RBFOX1: variants seen among roughly 807,000 people sequenced by gnomAD.
The protein encoded by RBFOX1 is RNA binding protein fox-1 homolog 1.
RBFOX1 carries 8 observed loss-of-function variants against 57.7 expected under a neutral mutation model. The observed-to-expected ratio is 0.14, with a 90% CI of 0.08 to 0.25. RBFOX1 has a LOEUF of 0.25. RBFOX1 is among the 10% of genes least tolerant of loss of function. The probability of loss-of-function intolerance (pLI) is 1.00; values close to 1 mark genes in which losing one functional copy is unlikely to be tolerated. For synonymous variants in RBFOX1, 326 were observed against 222.4 expected (o/e 1.47, Z -4.15); for missense variants, 611 against 548.5 (o/e 1.11, Z -1.14).
intron 4 of RBFOX1, among the ~76,000 whole-genome samples, chr16:7,513,282 A>G (rs28363873): frequency 0.026 from 473 of 18,412 alleles, 2 homozygotes; most frequent in Non-Finnish European, 0.14. Context: ...AAAAATAAAA[A>G]TAATGAATGA....
intron 1 of RBFOX1, among the ~76,000 whole-genome samples, chr16:6,263,369 A>T (rs905266310): frequency 1.3e-5 from 2 of 152,092 alleles, no homozygotes; most frequent in Admixed American, 6.6e-5. Flanking sequence ...AATGATATCT[A>T]TGTTTTCACG....
At chr16:5,489,454 T>G (rs1851772959) in intron 2 of RBFOX1, among the ~76,000 whole-genome samples, 1 of 152,242 alleles carries the variant, frequency 6.6e-6, no homozygotes, top group African/African-American at 2.4e-5. Context: ...CTGGATAGAC[T>G]TCCATTCAAG....
chr16:5,766,525 C>T (rs1046258355), intron 3 of RBFOX1, among the ~76,000 whole-genome samples: 1 of 152,136 alleles, frequency 6.6e-6, no homozygotes, highest in Non-Finnish European at 1.5e-5. Context: ...GCAGAGGTTG[C>T]AGTGAGCCGA....
chr16:6,201,319 C>T (rs1242550227), intron 1 of RBFOX1, among the ~76,000 whole-genome samples: 3 of 152,084 alleles, frequency 2.0e-5, no homozygotes, highest in Admixed American at 6.6e-5. Context: ...GGGAGAGAGC[C>T]AGCAGAAGGA....
At chr16:5,349,401 C>T (rs998271359) in intron 1 of RBFOX1, among the ~76,000 whole-genome samples, 13 of 152,260 alleles carry the variant, frequency 8.5e-5, no homozygotes, top group African/African-American at 2.2e-4. Context: ...TGGCTGGGTA[C>T]GGTGGCTCAA....
At chr16:7,670,988 A>G (rs553841743) in intron 13 of RBFOX1, among the ~76,000 whole-genome samples, 3 of 152,330 alleles carry the variant, frequency 2.0e-5, no homozygotes, top group East Asian at 3.9e-4. Flanking sequence ...ACACACTCAT[A>G]TATACTCACA....
In RBFOX1 at chr16:6,768,648, A is replaced by G. The variant is rs568965318; in HGVS notation, c.-16+113998A>G. 1.1e-4 allele frequency among the ~76,000 whole-genome samples: 17 copies of G among 151,648 alleles called. No homozygotes were observed. In the South Asian group the frequency reaches 2.7e-3, roughly 24 times the overall value. ...AAATATCGCCTACCTGTATATATTC[A>G]TTAGTATGCGTATGTACAGGCATAT... On this transcript the variant is annotated intron_variant, in intron 3 of 15. Transcript: ENST00000550418.
Position 5,801,965 on chromosome 16 carries a change from C to T in RBFOX1, c.319-65338C>T, listed in dbSNP as rs2055072934. 2.6e-5 allele frequency among the ~76,000 whole-genome samples: 4 copies of T among 152,152 alleles called. No homozygotes were observed. The South Asian group carries it at 8.3e-4, about 31-fold the overall frequency. On this transcript the variant is annotated intron_variant, in intron 3 of 19. Coordinates refer to the RBFOX1 transcript ENST00000641259. ...CGGAGGGTTGGACGTGTGTGCTTTTCTGCTGGGGCCATCACTCTGCCTGGG... is the reference window on the plus strand; with the variant it reads ...CGGAGGGTTGGACGTGTGTGCTTTTTTGCTGGGGCCATCACTCTGCCTGGG...
At chr16:7,071,190 C>T (rs1255087054) in intron 4 of RBFOX1, among the ~76,000 whole-genome samples, 2 of 152,110 alleles carry the variant, frequency 1.3e-5, no homozygotes, top group Admixed American at 1.3e-4. Flanking sequence ...TCTTAGGTAT[C>T]ACAGAGGAAT....
chr16:6,099,050 T>C (rs1388686721), intron 1 of RBFOX1, among the ~76,000 whole-genome samples: 1 of 152,232 alleles, frequency 6.6e-6, no homozygotes, highest in African/African-American at 2.4e-5. Flanking sequence ...CAGAGAATGT[T>C]TCTCCATCTG....
chr16:5,785,172 C>T (rs11076968), intron 3 of RBFOX1, among the ~76,000 whole-genome samples: 53,804 of 152,056 alleles, frequency 0.35, 10,290 homozygotes, highest in East Asian at 0.55. Context: ...GGACATTCAA[C>T]GGTCCTTGCT....
At chr16:7,057,622 G>C (rs1181599934) in intron 4 of RBFOX1, among the ~76,000 whole-genome samples, 2 of 152,200 alleles carry the variant, frequency 1.3e-5, no homozygotes, top group Middle Eastern at 3.2e-3. Context: ...ATCTGTCCAG[G>C]GAAGTGGTAT....
chr16:6,402,500 T>C (rs1461043030), intron 2 of RBFOX1, among the ~76,000 whole-genome samples: 3 of 152,236 alleles, frequency 2.0e-5, no homozygotes, highest in Non-Finnish European at 4.4e-5. Flanking sequence ...GTGGTTGAAG[T>C]AATAAATACA....
intron 4 of RBFOX1, among the ~76,000 whole-genome samples, chr16:7,284,378 T>C (rs968472776): frequency 5.3e-5 from 8 of 152,190 alleles, no homozygotes; most frequent in Admixed American, 1.3e-4. Flanking sequence ...TATCCCAGGC[T>C]GTAGTACGGT....
At chr16:6,593,577 G>A (rs1415835326) in intron 2 of RBFOX1, among the ~76,000 whole-genome samples, 1 of 152,104 alleles carries the variant, frequency 6.6e-6, no homozygotes, top group Non-Finnish European at 1.5e-5. Flanking sequence ...GTTTTCATTT[G>A]TTGCTTCTCT....
At chr16:6,797,417 A>T (rs1187671500) in intron 3 of RBFOX1, among the ~76,000 whole-genome samples, 1 of 152,090 alleles carries the variant, frequency 6.6e-6, no homozygotes, top group African/African-American at 2.4e-5. Flanking sequence ...GGGGAGAGAG[A>T]TAGAGTTGCT....
chr16:7,344,790 C>T (rs763452622), intron 4 of RBFOX1, among the ~76,000 whole-genome samples: 20 of 152,346 alleles, frequency 1.3e-4, no homozygotes, highest in Non-Finnish European at 2.6e-4. Context: ...CAGAGCCCGT[C>T]CTCCCGCAGA....
intron 2 of RBFOX1, among the ~76,000 whole-genome samples, chr16:6,627,057 G>T (rs2098319312): frequency 6.6e-6 from 1 of 152,188 alleles, no homozygotes; most frequent in South Asian, 2.1e-4. Flanking sequence ...AAGAACCAGG[G>T]TTCTAGTCCT....
intron 6 of RBFOX1, among the ~76,000 whole-genome samples, chr16:7,584,658 G>C (rs2093998285): frequency 6.6e-6 from 1 of 152,208 alleles, no homozygotes. Context: ...GAATGCAGCT[G>C]AACATTGATG....
Sources: gnomAD v4.1 joint callset for allele counts (sites outside exome capture counted in the v4.1 genomes callset) on GRCh38, gnomAD v4.1.1 for gene constraint, MANE v1.5 for transcripts, NCBI Gene and HGNC (gene_info 2026-07-23, HGNC 2026-07-21) for gene names.